LINGO2: variants seen among roughly 807,000 people sequenced by gnomAD.
The protein encoded by LINGO2 is leucine-rich repeat and immunoglobulin-like domain-containing nogo receptor-interacting protein 2.
In LINGO2, 14 loss-of-function variants were observed where a neutral mutation model predicts 30.6. That is an observed-to-expected ratio of 0.46 (90% CI 0.30 to 0.72). The LOEUF (loss-of-function observed/expected upper bound fraction) is 0.72, where lower values mean the gene tolerates loss of function less well. Ranked by LOEUF, LINGO2 falls within the 30% of genes least tolerant of loss-of-function variation. LINGO2 has a pLI of 0.07. For missense variants in LINGO2, 729 were observed against 751.7 expected (o/e 0.97, Z 0.35); for synonymous variants, 317 against 288.5 (o/e 1.10, Z -1.00).
At chr9:28,660,214 A>G (rs1828535513) in intron 1 of LINGO2, among the ~76,000 whole-genome samples, 1 of 152,146 alleles carries the variant, frequency 6.6e-6, no homozygotes, top group African/African-American at 2.4e-5. Flanking sequence ...ATGCATCATA[A>G]CTGTTCTAGT....
intron 4 of LINGO2, among the ~76,000 whole-genome samples, chr9:28,246,762 TTAAAC>T (rs1352538196): frequency 1.3e-5 from 2 of 152,132 alleles, no homozygotes; most frequent in Admixed American, 6.5e-5. Flanking sequence ...TGGGTTCTAA[TTAAAC>T]TAAAGAGCTT....
At chr9:28,234,578 A>G (rs1821491086) in intron 4 of LINGO2, among the ~76,000 whole-genome samples, 1 of 152,208 alleles carries the variant, frequency 6.6e-6, no homozygotes, top group Non-Finnish European at 1.5e-5. Context: ...GGCAGAAGAA[A>G]ATGGAAAGAG....
At chr9:28,977,821 A>G in the LINGO2 span, among the ~76,000 whole-genome samples, 1 of 152,148 alleles carries the variant, frequency 6.6e-6, no homozygotes, top group African/African-American at 2.4e-5. Context: ...CATTGAGCTG[A>G]GCTGAACCTC....
At chr9:28,258,269 A>C (rs1822447098) in intron 4 of LINGO2, among the ~76,000 whole-genome samples, 1 of 151,932 alleles carries the variant, frequency 6.6e-6, no homozygotes, top group African/African-American at 2.4e-5. Flanking sequence ...ATATATTTTT[A>C]ATTAAGGGTC....
chr9:28,649,125 CTA>C (rs1428618691), intron 1 of LINGO2, among the ~76,000 whole-genome samples: 2 of 152,078 alleles, frequency 1.3e-5, no homozygotes, highest in African/African-American at 2.4e-5. Context: ...ACTTGAATGC[CTA>C]TGTTTTCAGT....
chr9:28,580,609 T>C (rs547898959), intron 1 of LINGO2, among the ~76,000 whole-genome samples: 1 of 152,088 alleles, frequency 6.6e-6, no homozygotes, highest in East Asian at 1.9e-4. Context: ...ACTGTAGAAA[T>C]GGAATGTTGT....
intron 4 of LINGO2, among the ~76,000 whole-genome samples, chr9:28,043,962 A>G (rs1362431991): frequency 1.3e-5 from 2 of 152,194 alleles, no homozygotes; most frequent in African/African-American, 4.8e-5. Flanking sequence ...GTTGATGTAT[A>G]TGTTAGTACT....
At chr9:28,970,813 A>C in the LINGO2 span, among the ~76,000 whole-genome samples, 1 of 152,154 alleles carries the variant, frequency 6.6e-6, no homozygotes, top group Non-Finnish European at 1.5e-5. Flanking sequence ...GGCGACAAGG[A>C]CTGCAACTTT....
At chr9:28,523,993 T>G (rs1005722984) in intron 1 of LINGO2, among the ~76,000 whole-genome samples, 3 of 151,756 alleles carry the variant, frequency 2.0e-5, no homozygotes, top group Admixed American at 2.0e-4. Flanking sequence ...AAATAAAAGA[T>G]AAAAATCAGT....
intron 4 of LINGO2, among the ~76,000 whole-genome samples, chr9:28,127,184 G>A (rs1827260382): frequency 1.3e-5 from 2 of 152,172 alleles, no homozygotes; most frequent in Admixed American, 6.5e-5. Flanking sequence ...AGAAACGTAA[G>A]TCCTTTCACT....
At chr9:28,029,432 G>A (rs1028904571) in intron 4 of LINGO2, among the ~76,000 whole-genome samples, 1 of 152,168 alleles carries the variant, frequency 6.6e-6, no homozygotes, top group Non-Finnish European at 1.5e-5. Flanking sequence ...TAACAGAAAG[G>A]AGAACGAAGA....
rs1042654869 is a variant in LINGO2, at chr9:28,631,414, A to G, written c.-365+38786T>C. Among the ~76,000 whole-genome samples the G allele has an allele frequency of 6.7e-5, 10 of 148,494 alleles. No homozygotes were observed. The East Asian group carries it at 8.0e-4, about 12-fold the overall frequency. On this transcript the variant is annotated intron_variant, in intron 1 of 5. Transcript: ENST00000379992. ...TTAAGTCTTTAATCTGTCTTGAATTAATTTTTGTATAAGGTGTAAGAAAGG... is the reference window on the plus strand; with the variant it reads ...TTAAGTCTTTAATCTGTCTTGAATTGATTTTTGTATAAGGTGTAAGAAAGG...
Position 28,360,057 on chromosome 9 carries a change from T to C in LINGO2, c.-246+12779A>G, listed in dbSNP as rs931601706. Among the ~76,000 whole-genome samples, 7 of 152,208 alleles carry C rather than the reference T, an allele frequency of 4.6e-5. 1 individual carries two copies. Among genetic ancestry groups the C allele is most frequent in the Non-Finnish European group, 7.3e-5 (5 of 68,034 alleles). Reference sequence around the variant, plus strand: ...GAGCATGTACACTAAAACTTTTCCATTAGAGTTCTAGAAGGTAAGAGATCA... The same window carrying C: ...GAGCATGTACACTAAAACTTTTCCACTAGAGTTCTAGAAGGTAAGAGATCA... On this transcript the variant is annotated intron_variant, in intron 3 of 5. Coordinates refer to ENST00000379992, the Ensembl canonical transcript of LINGO2.
At chr9:28,013,963 T>A (rs1180524149) in intron 4 of LINGO2, among the ~76,000 whole-genome samples, 1 of 152,202 alleles carries the variant, frequency 6.6e-6, no homozygotes, top group Non-Finnish European at 1.5e-5. Flanking sequence ...ATCAAACTAG[T>A]TACATTGCTA....
the LINGO2 span, among the ~76,000 whole-genome samples, chr9:28,701,885 T>C: frequency 3.2e-4 from 48 of 152,060 alleles, no homozygotes; most frequent in South Asian, 9.7e-3. Flanking sequence ...ATTTCATTTT[T>C]GGGGTGCTAG....
At chr9:28,460,705 C>A (rs559084805) in intron 2 of LINGO2, among the ~76,000 whole-genome samples, 2 of 152,144 alleles carry the variant, frequency 1.3e-5, no homozygotes, top group Admixed American at 1.3e-4. Flanking sequence ...TTTACTCCTC[C>A]CTCTGGGAAT....
chr9:28,997,827 A>AAAAAC, the LINGO2 span, among the ~76,000 whole-genome samples: 16 of 124,394 alleles, frequency 1.3e-4, no homozygotes, highest in African/African-American at 4.8e-4. Flanking sequence ...TGTCTCAAAA[A>AAAAAC]AAAACAAAAC....
the LINGO2 span, among the ~76,000 whole-genome samples, chr9:28,860,383 A>G: frequency 2.0e-5 from 3 of 152,006 alleles, no homozygotes; most frequent in Non-Finnish European, 2.9e-5. Flanking sequence ...TGAAATCCTT[A>G]ATAGACAAAG....
chr9:28,949,108 G>A, the LINGO2 span, among the ~76,000 whole-genome samples: 1 of 152,174 alleles, frequency 6.6e-6, no homozygotes, highest in Admixed American at 6.6e-5. Flanking sequence ...ACCTAAAGCA[G>A]TGTTTAGAGG....
Sources: allele counts gnomAD v4.1 joint callset (sites outside exome capture counted in the v4.1 genomes callset), GRCh38; gene constraint gnomAD v4.1.1; transcripts MANE v1.5; gene names NCBI Gene and HGNC (gene_info 2026-07-23, HGNC 2026-07-21).